The following PDLIM5 variants were observed in gnomAD, a reference collection of about 807,000 sequenced individuals.
PDLIM5 encodes PDZ and LIM domain protein 5.
Under a neutral mutation model 64.2 loss-of-function variants are expected in PDLIM5, and 34 were observed. The observed-to-expected ratio is 0.53, with a 90% CI of 0.40 to 0.71. The LOEUF is 0.71. PDLIM5 is among the 30% of genes least tolerant of loss of function. The pLI is 0.00. For missense variants in PDLIM5, 683 were observed against 733.6 expected (o/e 0.93, Z 0.80); for synonymous variants, 253 against 269.1 (o/e 0.94, Z 0.59).
chr4:94,659,486 A>ATGTGTGTGTGTGTG (rs1400183342), intron 11 of PDLIM5, among the ~76,000 whole-genome samples: 1 of 113,324 alleles, frequency 8.8e-6, no homozygotes, highest in African/African-American at 3.6e-5. Flanking sequence ...TGTAGTATAT[A>ATGTGTGTGTGTGTG]TGTGTGTATG....
At chr4:94,661,338 A>C (rs1363216611) in intron 11 of PDLIM5, among the ~76,000 whole-genome samples, 2 of 152,146 alleles carry the variant, frequency 1.3e-5, no homozygotes, top group Non-Finnish European at 2.9e-5. Flanking sequence ...GGCTGCGGTG[A>C]ACTATGATCA....
chr4:94,484,504 A>G (rs960466636), intron 2 of PDLIM5, among the ~76,000 whole-genome samples: 2 of 152,214 alleles, frequency 1.3e-5, no homozygotes, highest in African/African-American at 2.4e-5. Flanking sequence ...CAGAATAAGT[A>G]TACTGAAAAT....
chr4:94,598,685 T>C (rs1277379427), intron 7 of PDLIM5, among the ~76,000 whole-genome samples: 1 of 151,986 alleles, frequency 6.6e-6, no homozygotes, highest in Non-Finnish European at 1.5e-5. Context: ...CTTAGTCTAG[T>C]AGAGCAGACA....
intron 5 of PDLIM5, among the ~76,000 whole-genome samples, chr4:94,581,763 T>C (rs1735750714): frequency 6.6e-6 from 1 of 152,204 alleles, no homozygotes; most frequent in African/African-American, 2.4e-5. Context: ...AACTATACAG[T>C]TTATACTTTA....
intron 3 of PDLIM5, among the ~76,000 whole-genome samples, chr4:94,540,370 G>C (rs1046850366): frequency 1.3e-5 from 2 of 152,084 alleles, no homozygotes; most frequent in Non-Finnish European, 2.9e-5. Flanking sequence ...CGCCCGCCTC[G>C]GCCTCCCGAA....
At chr4:94,636,168 C>T (rs891414801) in intron 8 of PDLIM5, among the ~76,000 whole-genome samples, 1 of 152,100 alleles carries the variant, frequency 6.6e-6, no homozygotes, top group Non-Finnish European at 1.5e-5. Context: ...TGGATTATGT[C>T]CCATTTTACA....
chr4:94,558,675 T>G (rs1733577091), intron 3 of PDLIM5, among the ~76,000 whole-genome samples: 1 of 152,160 alleles, frequency 6.6e-6, no homozygotes, highest in Non-Finnish European at 1.5e-5. Flanking sequence ...GACTAAGGAT[T>G]ATAATACTAA....
At chr4:94,487,041 A>G (rs1321710134) in intron 2 of PDLIM5, among the ~76,000 whole-genome samples, 4 of 152,184 alleles carry the variant, frequency 2.6e-5, no homozygotes, top group Non-Finnish European at 4.4e-5. Flanking sequence ...GATAAAATCT[A>G]TGTACATGGG....
At chr4:94,644,529 C>CTT (rs201777322) in intron 9 of PDLIM5, among the ~76,000 whole-genome samples, 4 of 144,760 alleles carry the variant, frequency 2.8e-5, no homozygotes, top group East Asian at 2.0e-4. Flanking sequence ...ATGCCAAGAA[C>CTT]TTTTTTTTTT....
chr4:94,667,064 A>T lies in PDLIM5; in HGVS notation c.*2997A>T, dbSNP rs1743113173. 6.6e-6 allele frequency: 1 copy of T among 152,110 alleles called. No individual in the cohort carries two copies. The highest frequency in any genetic ancestry group is 2.4e-5 in the African/African-American group (1 of 41,428). The allele number at this position is 152,110 out of a possible 1,614,324, so 9.4% of individuals were successfully genotyped here. A position where few individuals can be genotyped will look rare whatever the true frequency, so the allele number is the denominator to read the frequency against. On this transcript the variant is annotated 3_prime_UTR_variant, in exon 13 of 13. Transcript: ENST00000317968. Reference sequence around the variant, plus strand: ...TCTATATTAGTAGCATTTTTTAATTATTACTTCTTCACTATAGAGCATTTA... The same window carrying T: ...TCTATATTAGTAGCATTTTTTAATTTTTACTTCTTCACTATAGAGCATTTA...
At chr4:94,617,951 C>T (rs1474559760) in intron 7 of PDLIM5, 53 bp from the exon 8 acceptor site, 1 of 910,400 alleles carries the variant, frequency 1.1e-6, no homozygotes, top group Non-Finnish European at 1.6e-6. Context: ...AGGATTATTG[C>T]TGAGTTACGT....
chr4:94,599,516 CTTG>C (rs1297583692), intron 7 of PDLIM5, among the ~76,000 whole-genome samples: 2 of 152,028 alleles, frequency 1.3e-5, no homozygotes, highest in South Asian at 2.1e-4. Context: ...ACATGTTGTA[CTTG>C]TTGATGAAAA....
At chr4:94,553,339 C>A (rs923578832) in intron 3 of PDLIM5, among the ~76,000 whole-genome samples, 3 of 152,078 alleles carry the variant, frequency 2.0e-5, no homozygotes, top group Non-Finnish European at 4.4e-5. Flanking sequence ...GAACTCCTGA[C>A]CTCAAGTGAT....
At chr4:94,577,581 CTT>C (rs11349007) in intron 5 of PDLIM5, among the ~76,000 whole-genome samples, 3,284 of 106,840 alleles carry the variant, frequency 0.031, 28 homozygotes, top group African/African-American at 0.042. Flanking sequence ...TGGTCGTAAT[CTT>C]TTTTTTTTTT....
chr4:94,536,922 C>T (rs1731370601), intron 3 of PDLIM5, among the ~76,000 whole-genome samples: 1 of 152,134 alleles, frequency 6.6e-6, no homozygotes, highest in African/African-American at 2.4e-5. Context: ...AGTGATTGGC[C>T]ATGCAAAACA....
chr4:94,566,973 A>G (rs145059157), intron 3 of PDLIM5, among the ~76,000 whole-genome samples: 3 of 152,268 alleles, frequency 2.0e-5, no homozygotes, highest in African/African-American at 7.2e-5. Context: ...AATCTTAACT[A>G]TATTTGGTGG....
intron 4 of PDLIM5, 46 bp from the exon 5 acceptor site, chr4:94,575,570 A>G (rs1433226190): frequency 1.6e-6 from 2 of 1,257,284 alleles, no homozygotes; most frequent in East Asian, 2.3e-5. Flanking sequence ...TATATTTTGC[A>G]TGTGTTTGGT....
At chr4:94,477,912 A>G (rs1725467853) in intron 2 of PDLIM5, among the ~76,000 whole-genome samples, 1 of 152,142 alleles carries the variant, frequency 6.6e-6, no homozygotes, top group Non-Finnish European at 1.5e-5. Context: ...TGAATAGTGA[A>G]TATTTTTTCT....
intron 5 of PDLIM5, chr4:94,579,331 A>G: frequency 2.8e-6 from 1 of 362,684 alleles, no homozygotes; most frequent in Non-Finnish European, 5.1e-6. Context: ...TTCCCTTTCC[A>G]TATATCCTTG....
Sources: gnomAD v4.1 joint callset for allele counts (sites outside exome capture counted in the v4.1 genomes callset) on GRCh38, gnomAD v4.1.1 for gene constraint, MANE v1.5 for transcripts, NCBI Gene and HGNC (gene_info 2026-07-23, HGNC 2026-07-21) for gene names.